The following AKT3 variants were observed in gnomAD, a reference collection of about 807,000 sequenced individuals.
AKT3 encodes RAC-gamma serine/threonine-protein kinase.
In AKT3, 15 loss-of-function variants were observed where a neutral mutation model predicts 65.3. The observed-to-expected ratio is 0.23, with a 90% CI of 0.15 to 0.35. The LOEUF is 0.35. AKT3 is among the 10% of genes least tolerant of loss of function. The probability of loss-of-function intolerance (pLI) is 1.00; values close to 1 mark genes in which losing one functional copy is unlikely to be tolerated. For synonymous variants in AKT3, 206 were observed against 183.8 expected (o/e 1.12, Z -0.98); for missense variants, 243 against 576.5 (o/e 0.42, Z 5.92).
Position 243,647,991 on chromosome 1 carries a change from C to T in AKT3, c.285-1954G>A, listed in dbSNP as rs935910528. On this transcript the variant is annotated intron_variant, in intron 4 of 13. Coordinates refer to ENST00000673466, the MANE Select transcript of AKT3 (RefSeq NM_005465.7). ...GTCAAATGTAGGCCAGGTGCAGTGG[C>T]TCATGCCTGTGATCCCAGCACTTTG... Among the ~76,000 whole-genome samples, 4 of 152,166 alleles carry T rather than the reference C, an allele frequency of 2.6e-5. No homozygotes were observed. The East Asian group carries it at 5.8e-4, about 22-fold the overall frequency.
chr1:243,693,190 TTTAA>T (rs1401485220), intron 3 of AKT3, among the ~76,000 whole-genome samples: 4 of 140,194 alleles, frequency 2.9e-5, no homozygotes, highest in African/African-American at 7.9e-5. Context: ...AAGTAATATC[TTTAA>T]TTATCAGAAA....
Position 243,608,743 on chromosome 1 carries a change from C to CTTTTTTTTTT in AKT3, c.696+4918_696+4927dup, listed in dbSNP as rs566574203. Among the ~76,000 whole-genome samples, 8 of 70,796 alleles carry CTTTTTTTTTT rather than the reference C, an allele frequency of 1.1e-4. 1 individual carries two copies. Among genetic ancestry groups the CTTTTTTTTTT allele is most frequent in the Non-Finnish European group, 1.4e-4 (6 of 41,950 alleles). The allele number at this position is 70,796 out of a possible 152,430, so 46.4% of individuals were successfully genotyped here. On this transcript the variant is annotated intron_variant, in intron 8 of 13. Transcript: ENST00000673466. ...TTTTCTACAGTAATTAAGTTTTTTGCTTTTTTTTTTTTTTTTTTTTTTTTT... is the reference window on the plus strand; with the variant it reads ...TTTTCTACAGTAATTAAGTTTTTTGCTTTTTTTTTTTTTTTTTTTTTTTTTTTTTTTTTTT...
At chr1:243,769,815 T>C (rs1690065616) in intron 2 of AKT3, among the ~76,000 whole-genome samples, 1 of 152,212 alleles carries the variant, frequency 6.6e-6, no homozygotes, top group African/African-American at 2.4e-5. Context: ...TACAAGTTTT[T>C]TATTTTGATG....
At chr1:243,521,308 C>G (rs1670705845) in intron 12 of AKT3, among the ~76,000 whole-genome samples, 1 of 152,168 alleles carries the variant, frequency 6.6e-6, no homozygotes. Flanking sequence ...TTCCCAGAGA[C>G]AGTAATCTGG....
chr1:243,747,103 C>A (rs1688514897), intron 2 of AKT3, among the ~76,000 whole-genome samples: 1 of 152,078 alleles, frequency 6.6e-6, no homozygotes, highest in South Asian at 2.1e-4. Flanking sequence ...AAACAAAAAT[C>A]TACATTTATT....
At chr1:243,755,101 C>T (rs1255398114) in intron 2 of AKT3, among the ~76,000 whole-genome samples, 1 of 152,146 alleles carries the variant, frequency 6.6e-6, no homozygotes, top group African/African-American at 2.4e-5. Flanking sequence ...CAGAGTCTCG[C>T]TGTGTCCCCC....
chr1:243,753,624 A>G (rs1247223759), intron 2 of AKT3, among the ~76,000 whole-genome samples: 1 of 152,188 alleles, frequency 6.6e-6, no homozygotes, highest in Non-Finnish European at 1.5e-5. Context: ...TTTGTACCTC[A>G]ATGCTGATCA....
chr1:243,791,366 G>A (rs969317615), intron 2 of AKT3, among the ~76,000 whole-genome samples: 4 of 151,466 alleles, frequency 2.6e-5, no homozygotes, highest in African/African-American at 7.3e-5. Context: ...TATGAGAGGC[G>A]AACTGCATAC....
chr1:243,545,525 A>G lies in AKT3; in HGVS notation c.1236T>C (p.Asp412=), dbSNP rs759082511. ...HSFFSGVNWQ[D]VYDKKLVPPF... ...GAAATCTTACCTTTTTATCATATAC[A>G]TCTTGCCAGTTTACTCCAGAGAAGA... The change falls in exon 12 of 14, where the codon GAT becomes GAC. Residue 412 remains aspartate (D), a synonymous_variant. Transcript: ENST00000673466. 5 of 1,610,128 alleles carry G rather than the reference A, an allele frequency of 3.1e-6. No individual in the cohort carries two copies. The African/African-American group carries it at 5.3e-5, about 17-fold the overall frequency.
chr1:243,535,417 T>C (rs1020841221), intron 12 of AKT3, among the ~76,000 whole-genome samples: 2 of 152,144 alleles, frequency 1.3e-5, no homozygotes, highest in African/African-American at 4.8e-5. Context: ...TCTACTACTC[T>C]GTAGACCTCT....
chr1:243,657,624 C>T (rs572677788), intron 4 of AKT3, among the ~76,000 whole-genome samples: 52 of 151,428 alleles, frequency 3.4e-4, no homozygotes, highest in Admixed American at 9.2e-4. Flanking sequence ...AGCATTTTTG[C>T]GGAAACAGAA....
At chr1:243,489,211 C>T in intron 13 of AKT3, 2 of 1,563,718 alleles carry the variant, frequency 1.3e-6, no homozygotes, top group Admixed American at 1.8e-5. Flanking sequence ...TTATGCACCT[C>T]AACAGGCCGG....
chr1:243,800,606 T>A (rs1394717084), intron 2 of AKT3, among the ~76,000 whole-genome samples: 1 of 152,000 alleles, frequency 6.6e-6, no homozygotes, highest in Non-Finnish European at 1.5e-5. Context: ...TAGTCCCAGC[T>A]ACTCGGGAGG....
In AKT3 at chr1:243,500,747, AG is replaced by A; in HGVS notation, c.*4501del. The stretch of plus-strand genomic sequence containing the variant: ...CACCATATGCTCAGCCTTGCCTCTC[AG>A]AAGTGATGTGGATTAGGCTTTGGAG... On this transcript the variant is annotated 3_prime_UTR_variant, in exon 14 of 14. Transcript: ENST00000673466. 1 of 228,654 alleles carries A rather than the reference AG, an allele frequency of 4.4e-6. No individual in the cohort carries two copies. The allele number at this position is 228,654 out of a possible 1,614,324, so 14.2% of individuals were successfully genotyped here.
intron 2 of AKT3, among the ~76,000 whole-genome samples, chr1:243,812,163 T>C (rs185548080): frequency 1.3e-5 from 2 of 152,228 alleles, no homozygotes; most frequent in East Asian, 1.9e-4. Context: ...AAAGCCAAAA[T>C]TAACAAATGG....
In AKT3 at chr1:243,790,230, A is replaced by G. The variant is rs1691530781; in HGVS notation, c.46+52895T>C. Among the ~76,000 whole-genome samples the G allele has an allele frequency of 2.0e-5, 3 of 152,206 alleles. No individual in the cohort carries two copies. In the South Asian group the frequency reaches 6.2e-4, roughly 31 times the overall value. ...TAACATCTTCTTCACCAAATAGAAG[A>G]GTGTTTTGTCTACACTGAAAATCTA... On this transcript the variant is annotated intron_variant, in intron 2 of 13. Transcript: ENST00000673466.
At chr1:243,770,457 C>T (rs969727163) in intron 2 of AKT3, among the ~76,000 whole-genome samples, 1 of 152,068 alleles carries the variant, frequency 6.6e-6, no homozygotes, top group Admixed American at 6.6e-5. Context: ...GCCATAGTAT[C>T]ATACTTTTTT....
intron 2 of AKT3, among the ~76,000 whole-genome samples, chr1:243,766,944 T>C (rs1299770038): frequency 2.0e-5 from 3 of 152,138 alleles, no homozygotes; most frequent in Non-Finnish European, 4.4e-5. Context: ...ATCTCAGTTT[T>C]TAAAAATCTG....
chr1:243,663,798 C>T (rs979587865), intron 4 of AKT3, among the ~76,000 whole-genome samples: 1 of 152,142 alleles, frequency 6.6e-6, no homozygotes, highest in African/African-American at 2.4e-5. Context: ...AATATAATAA[C>T]ATGTGCAGGA....
Sources: allele counts gnomAD v4.1 joint callset (sites outside exome capture counted in the v4.1 genomes callset), GRCh38; gene constraint gnomAD v4.1.1; transcripts MANE v1.5; gene names NCBI Gene and HGNC (gene_info 2026-07-23, HGNC 2026-07-21).